CFAP57: variants seen among roughly 807,000 people sequenced by gnomAD.
CFAP57 encodes the protein cilia and flagella associated protein 57, also known as cilia- and flagella-associated protein 57.
Under a neutral mutation model 146.8 loss-of-function variants are expected in CFAP57, and 116 were observed. The ratio of observed to expected loss-of-function variants is 0.79; its 90% CI spans 0.68 to 0.92. The LOEUF (loss-of-function observed/expected upper bound fraction) is 0.92. CFAP57 is among the 40% of genes least tolerant of loss of function. The pLI is 0.00. For missense variants in CFAP57, 1,377 were observed against 1,527.2 expected (o/e 0.90, Z 1.64); for synonymous variants, 518 against 552.8 (o/e 0.94, Z 0.88).
intron 10 of CFAP57, among the ~76,000 whole-genome samples, chr1:43,208,786 A>G (rs922411554): frequency 6.2e-5 from 5 of 81,240 alleles, no homozygotes; most frequent in South Asian, 6.0e-4. Flanking sequence ...TAGAACTTAA[A>G]GTATAACAAT....
chr1:43,206,842 C>G lies in CFAP57; in HGVS notation c.1665C>G (p.Cys555Trp). Residue 555 changes from cysteine to tryptophan, a missense_variant, in exon 10 of 23, where the codon TGC becomes TGG. Coordinates refer to ENST00000372492, the MANE Select transcript of CFAP57 (RefSeq NM_001378189.1). ...AGACAGAATGCGTGCTCAAGTCTTG[C>G]AGCTACAACTGTGTTACTGTCTCCC... ...KRETECVLKS[C>W]SYNCVTVSPD... 6.2e-7 allele frequency: 1 copy of G among 1,614,166 alleles called. No individual in the cohort carries two copies. Among genetic ancestry groups the G allele is most frequent in the Non-Finnish European group, 8.5e-7 (1 of 1,180,022 alleles).
At chr1:43,232,035 C>T (rs953216604) in intron 18 of CFAP57, 1 of 697,812 alleles carries the variant, frequency 1.4e-6, no homozygotes, top group African/African-American at 1.8e-5. Context: ...GTGGTGCCCA[C>T]ATGTTGGTCC....
chr1:43,200,499 G>A (rs56783996), intron 9 of CFAP57, among the ~76,000 whole-genome samples: 23,565 of 142,660 alleles, frequency 0.17, 2,879 homozygotes, highest in African/African-American at 0.34. Flanking sequence ...AAAAAAAAAA[G>A]AAAGAAAGAA....
At chr1:43,234,126 A>C (rs184383997) in intron 19 of CFAP57, among the ~76,000 whole-genome samples, 153 bp from the exon 20 acceptor site, 2 of 152,074 alleles carry the variant, frequency 1.3e-5, no homozygotes, top group Admixed American at 1.3e-4. Context: ...TGCCCGTCTA[A>C]GTTTCTATGC....
intron 2 of CFAP57, among the ~76,000 whole-genome samples, chr1:43,180,900 G>A (rs1419307596): frequency 6.6e-6 from 1 of 151,974 alleles, no homozygotes; most frequent in East Asian, 1.9e-4. Context: ...CAATGCTCCA[G>A]CAACACCCAC....
chr1:43,186,879 G>A lies in CFAP57; in HGVS notation c.1122+20G>A. 6.2e-7 allele frequency: 1 copy of A among 1,613,932 alleles called. No homozygotes were observed. The highest frequency in any genetic ancestry group is 1.1e-5 in the South Asian group (1 of 91,066). ...AGCAAGGTGAGTCTTTCCAGCAATG[G>A]TCCTTCCAGACCAGGACCTATCTGC... On this transcript the variant is annotated intron_variant, in intron 6 of 22. Transcript: ENST00000372492.
chr1:43,179,223 T>C (rs911792088), intron 2 of CFAP57, among the ~76,000 whole-genome samples: 2 of 152,154 alleles, frequency 1.3e-5, no homozygotes, highest in African/African-American at 4.8e-5. Flanking sequence ...ACATGGCACA[T>C]GTATACATAT....
rs78805711 is a variant in CFAP57 at position 43,229,670 on chromosome 1, C to G, written c.3009+2544C>G. ...TGCCCTGCCTAGGGGAGAGGTTTCC[C>G]GAGGCTTGTCGTTTTAGTTTACACT... is the stretch of plus-strand genomic sequence containing the variant. On this transcript the variant is annotated intron_variant, in intron 18 of 22. Transcript: ENST00000372492. Among the ~76,000 whole-genome samples the G allele has an allele frequency of 6.1e-5, 9 of 148,582 alleles. 1 individual carries two copies. The East Asian group carries it at 1.5e-3, about 24-fold the overall frequency.
chr1:43,208,810 GAA>G (rs35475438), intron 10 of CFAP57, among the ~76,000 whole-genome samples: 195 of 151,036 alleles, frequency 1.3e-3, no homozygotes, highest in African/African-American at 3.5e-3. Context: ...AATAATAAAA[GAA>G]AAAAAAAATA....
At chr1:43,248,658 T>C (rs565371088) in intron 22 of CFAP57, among the ~76,000 whole-genome samples, 1 of 152,222 alleles carries the variant, frequency 6.6e-6, no homozygotes, top group Non-Finnish European at 1.5e-5. Flanking sequence ...AATTAACTTT[T>C]AATAACTTCT....
At chr1:43,173,130 C>T (rs193050293) in intron 2 of CFAP57, among the ~76,000 whole-genome samples, 3 of 152,282 alleles carry the variant, frequency 2.0e-5, no homozygotes, top group Admixed American at 6.5e-5. Flanking sequence ...TTTAAAAGTA[C>T]TTTTTTCACT....
In CFAP57 at chr1:43,172,472, G is replaced by T; in HGVS notation, c.-20+19G>T. The T allele has an allele frequency of 3.9e-6, 6 of 1,541,884 alleles. No individual in the cohort carries two copies. The highest frequency in any genetic ancestry group is 5.3e-6 in the Non-Finnish European group (6 of 1,142,120). ...ACGAAAGGTGGGAGGGGGTACCTGG[G>T]GGTCGCCAGAAGGAGCTGGTAGCAG... On this transcript the variant is annotated intron_variant, in intron 1 of 22. Transcript: ENST00000372492.
At position 43,221,555 on chromosome 1, in the gene CFAP57, T is replaced by A. The variant is rs149009607; in HGVS notation, c.2341+90T>A. ...AAGAGTCCCCCAGACACAGTAGAAG[T>A]CTCAGGGAATATGGCTCTGTCTAAA... is the stretch of plus-strand genomic sequence containing the variant. On this transcript the variant is annotated intron_variant, in intron 14 of 22. Transcript: ENST00000372492. 59 of 814,482 alleles carry A rather than the reference T, an allele frequency of 7.2e-5. 1 individual carries two copies. The African/African-American group carries it at 1.0e-3, about 14-fold the overall frequency. 50.5% of individuals were successfully genotyped at this position (814,482 alleles called of 1,614,324 possible).
At chr1:43,249,874 CAAAG>C in intron 22 of CFAP57, among the ~76,000 whole-genome samples, 1 of 152,090 alleles carries the variant, frequency 6.6e-6, no homozygotes, top group East Asian at 1.9e-4. Context: ...TCTCATCTGT[CAAAG>C]AAGGCATACC....
chr1:43,199,447 G>C lies in CFAP57; in HGVS notation c.1486G>C (p.Val496Leu). Residue 496 changes from valine (V) to leucine (L), a missense_variant, in exon 9 of 23, where the codon GTT (valine) becomes CTT (leucine). By Grantham distance (32) the Val-to-Leu change is conservative. Transcript: ENST00000372492. ...FAAVNGNVIH[V>L]YTTTSLENIS... ...TGCAGTCAATGGAAATGTGATTCACGTTTACACCACCACGAGCCTAGAGAA... is the reference window on the plus strand; with the variant it reads ...TGCAGTCAATGGAAATGTGATTCACCTTTACACCACCACGAGCCTAGAGAA... 10 of 1,614,080 alleles carry C rather than the reference G, an allele frequency of 6.2e-6. No homozygotes were observed. The highest frequency in any genetic ancestry group is 8.5e-6 in the Non-Finnish European group (10 of 1,180,030).
intron 22 of CFAP57, among the ~76,000 whole-genome samples, chr1:43,251,141 G>A (rs922394633): frequency 5.9e-5 from 9 of 152,304 alleles, no homozygotes; most frequent in Admixed American, 2.6e-4. Flanking sequence ...AGACATTCCC[G>A]GTCAAGGAAA....
intron 11 of CFAP57, among the ~76,000 whole-genome samples, chr1:43,212,389 G>A (rs532231513): frequency 1.3e-5 from 2 of 152,102 alleles, no homozygotes; most frequent in African/African-American, 2.4e-5. Context: ...TATACTGTAT[G>A]TGGCCTTCTG....
intron 22 of CFAP57, among the ~76,000 whole-genome samples, chr1:43,251,821 C>G (rs747716298): frequency 3.9e-5 from 6 of 152,196 alleles, no homozygotes; most frequent in Non-Finnish European, 8.8e-5. Context: ...AAATCCTCGT[C>G]TTTCATAGAG....
chr1:43,231,838 A>T (rs1645484006), intron 18 of CFAP57, among the ~76,000 whole-genome samples: 1 of 152,144 alleles, frequency 6.6e-6, no homozygotes, highest in South Asian at 2.1e-4. Context: ...GCACCACTGC[A>T]CTCCAGCCTC....
Sources: allele counts gnomAD v4.1 joint callset (sites outside exome capture counted in the v4.1 genomes callset), GRCh38; gene constraint gnomAD v4.1.1; transcripts MANE v1.5; gene names NCBI Gene and HGNC (gene_info 2026-07-23, HGNC 2026-07-21).